BRD3: variants seen among roughly 807,000 people sequenced by gnomAD.
BRD3 encodes the protein bromodomain-containing protein 3.
Under a neutral mutation model 66.8 loss-of-function variants are expected in BRD3, and 17 were observed. That is an observed-to-expected ratio of 0.25 (90% confidence interval 0.17 to 0.38). The LOEUF is 0.38. Ranked by LOEUF, BRD3 falls within the 10% of genes least tolerant of loss-of-function variation. The pLI is 1.00. For missense variants in BRD3, 713 were observed against 956.1 expected (o/e 0.75, Z 3.35); for synonymous variants, 421 against 393.2 (o/e 1.07, Z -0.84).
chr9:134,042,394 A>T (rs1402207383), intron 7 of BRD3, among the ~76,000 whole-genome samples: 2 of 152,218 alleles, frequency 1.3e-5, no homozygotes, highest in Non-Finnish European at 2.9e-5. Context: ...AACTGACTGC[A>T]GCATCACATC....
chr9:134,052,465 G>A (rs1352320081), intron 2 of BRD3, 22 bp from the exon 3 acceptor site: 1 of 1,590,374 alleles, frequency 6.3e-7, no homozygotes, highest in South Asian at 1.1e-5. Flanking sequence ...ATTTTCAGAG[G>A]CATTACCAGA....
At position 134,033,588 on chromosome 9, in the gene BRD3, G is replaced by T. The variant is rs761589766; in HGVS notation, c.*2C>A. 6.6e-6 allele frequency: 5 copies of T among 759,642 alleles called. No homozygotes were observed. The Admixed American group carries it at 8.8e-5, about 13-fold the overall frequency. 47.1% of individuals were successfully genotyped at this position (759,642 alleles called of 1,614,324 possible). On this transcript the variant is annotated 3_prime_UTR_variant, in exon 12 of 12. Coordinates refer to ENST00000303407, the MANE Select transcript of BRD3 (RefSeq NM_007371.4). The surrounding 1 kb of genome is among the most constrained non-coding windows in gnomAD (Gnocchi z 5.1). ...ATCTGTCCTGTTCTGTCCGAAGCCA[G>T]TTCATTCTGAGTCACTGCTGTCAGA...
chr9:134,050,407 G>T lies in BRD3; in HGVS notation c.681C>A (p.Val227=), dbSNP rs1243199726. Residue 227 remains valine (V), a synonymous_variant, in exon 5 of 12, where the codon GTC becomes GTA. Transcript: ENST00000303407. ...AAPPPPATPI[V]PVVPPTPPVV... ...CAGGCGGCGTAGGAGGGACCACGGGGACGATGGGTGTGGCAGGAGGAGGTG... is the reference window on the plus strand; with the variant it reads ...CAGGCGGCGTAGGAGGGACCACGGGTACGATGGGTGTGGCAGGAGGAGGTG... The T allele has an allele frequency of 1.2e-6, 2 of 1,612,000 alleles. No individual in the cohort carries two copies. The highest frequency in any genetic ancestry group is 8.5e-7 in the Non-Finnish European group (1 of 1,179,684).
chr9:134,032,439 CAAAAAAAAA>C lies in BRD3; in HGVS notation c.*1142_*1150del. On this transcript the variant is annotated 3_prime_UTR_variant, in exon 12 of 12. Coordinates refer to ENST00000303407, the MANE Select transcript of BRD3 (RefSeq NM_007371.4). ...TACCTGTAAGCCTCCAAGTTTCATA[CAAAAAAAAA>C]AAAAAAAAAAAACCACAAAGAAAAA... The C allele has an allele frequency of 8.7e-6, 1 of 114,488 alleles. No homozygotes were observed. 7.1% of individuals were successfully genotyped at this position (114,488 alleles called of 1,614,324 possible).
rs192776087 is a variant in BRD3, at chr9:134,036,385, C to A, written c.1644-61G>T. 4,589 of 1,570,194 alleles carry A rather than the reference C, an allele frequency of 2.9e-3. 166 individuals carry two copies. The Admixed American group carries it at 0.07, about 24-fold the overall frequency. On this transcript the variant is annotated intron_variant, in intron 9 of 11. Coordinates refer to ENST00000303407, the MANE Select transcript of BRD3 (RefSeq NM_007371.4). ...TCCGTCTACCTGCCGTGGGAGCCCA[C>A]TGCACACACCCCTTCCTCCCAACAG...
At chr9:134,042,493 C>G (rs988030283) in intron 7 of BRD3, among the ~76,000 whole-genome samples, 1 of 152,044 alleles carries the variant, frequency 6.6e-6, no homozygotes, top group African/African-American at 2.4e-5. Flanking sequence ...AAAAATTAGC[C>G]AGTCATGGCA....
Position 134,050,407 on chromosome 9 carries a change from G to A in BRD3, c.681C>T (p.Val227=), listed in dbSNP as rs1243199726. The A allele has an allele frequency of 6.2e-7, 1 of 1,612,000 alleles. No individual in the cohort carries two copies. Among genetic ancestry groups the A allele is most frequent in the Non-Finnish European group, 8.5e-7 (1 of 1,179,684 alleles). The part of the protein sequence containing the change: ...AAPPPPATPI[V]PVVPPTPPVV... Reference sequence around the variant, plus strand: ...CAGGCGGCGTAGGAGGGACCACGGGGACGATGGGTGTGGCAGGAGGAGGTG... The same window carrying A: ...CAGGCGGCGTAGGAGGGACCACGGGAACGATGGGTGTGGCAGGAGGAGGTG... Residue 227 remains valine, a synonymous_variant, in exon 5 of 12, where the codon GTC becomes GTT. Transcript: ENST00000303407.
chr9:134,058,600 G>C (rs1239956003), intron 1 of BRD3: 1 of 152,230 alleles, frequency 6.6e-6, no homozygotes, highest in African/African-American at 2.4e-5. Flanking sequence ...TTGGATTTCA[G>C]AAAGCCAAAC....
chr9:134,064,601 T>C (rs1830608801), intron 1 of BRD3, among the ~76,000 whole-genome samples: 1 of 151,328 alleles, frequency 6.6e-6, no homozygotes, highest in African/African-American at 2.4e-5. Context: ...TGGCTCACGC[T>C]TGTAATCCCA....
In BRD3 at chr9:134,053,451, G is replaced by A. The variant is rs200725745; in HGVS notation, c.27C>T (p.Pro9=). The change falls in exon 2 of 12, where the codon CCC becomes CCT. Residue 9 remains proline, a synonymous_variant. Transcript: ENST00000303407. MSTATTVA[P]AGIPATPGPV... Reference sequence around the variant, plus strand: ...GGCCCGGGGTCGCCGGGATCCCCGCGGGGGCGACTGTCGTGGCGGTGGACA... The same window carrying A: ...GGCCCGGGGTCGCCGGGATCCCCGCAGGGGCGACTGTCGTGGCGGTGGACA... 5.0e-5 allele frequency: 81 copies of A among 1,606,196 alleles called. No homozygotes were observed. In the Admixed American group the frequency reaches 9.2e-4, roughly 18 times the overall value.
At chr9:134,061,404 T>C (rs911707741) in intron 1 of BRD3, among the ~76,000 whole-genome samples, 1 of 152,186 alleles carries the variant, frequency 6.6e-6, no homozygotes, top group Admixed American at 6.5e-5. Flanking sequence ...AGCATGAGTC[T>C]GGAGGAGCAG....
In BRD3 at chr9:134,040,302, G is replaced by A. The variant is rs1322877651; in HGVS notation, c.1408-33C>T. On this transcript the variant is annotated intron_variant, in intron 8 of 11. Transcript: ENST00000303407. The stretch of plus-strand genomic sequence containing the variant: ...AGAGCGGGCGGCTGAGCAGGTGCTG[G>A]GCACGGCCCACACCACTGGGGCTGC... 13 of 1,574,258 alleles carry A rather than the reference G, an allele frequency of 8.3e-6. No individual in the cohort carries two copies. In the Middle Eastern group the frequency reaches 5.1e-4, roughly 61 times the overall value.
At position 134,048,131 on chromosome 9, in the gene BRD3, G is replaced by A. The variant is rs200360231; in HGVS notation, c.1038C>T (p.His346=). ...GGTGCTTGATGATGTCGTGGTAGTC[G>A]TGCAGCTCCAGGGCCTCGGCATCCA... is the stretch of plus-strand genomic sequence containing the variant. ...KPVDAEALEL[H]DYHDIIKHPM... The change falls in exon 6 of 12, where the codon CAC becomes CAT. Residue 346 remains histidine (H), a synonymous_variant. Coordinates refer to ENST00000303407, the MANE Select transcript of BRD3 (RefSeq NM_007371.4). The A allele has an allele frequency of 2.1e-5, 33 of 1,603,398 alleles. No homozygotes were observed. Among genetic ancestry groups the A allele is most frequent in the African/African-American group, 6.7e-5 (5 of 74,846 alleles).
At chr9:134,056,778 G>C (rs1488264449) in intron 1 of BRD3, 1 of 152,308 alleles carries the variant, frequency 6.6e-6, no homozygotes, top group African/African-American at 2.4e-5. Flanking sequence ...CCAGTGGGGA[G>C]GGAGGGCTGA....
chr9:134,053,194 G>T (rs1384727587), intron 2 of BRD3, 71 bp downstream of exon 2: 4 of 1,526,146 alleles, frequency 2.6e-6, no homozygotes, highest in Admixed American at 3.4e-5. Flanking sequence ...TTTCCAGGAT[G>T]GGGGCAGCAG....
chr9:134,037,309 C>T (rs1454501158), intron 9 of BRD3, among the ~76,000 whole-genome samples: 3 of 152,240 alleles, frequency 2.0e-5, no homozygotes, highest in African/African-American at 4.8e-5. Flanking sequence ...CGGTGGCTCA[C>T]GCCTATAATC....
chr9:134,051,736 G>A (rs374215907), intron 3 of BRD3, 27 bp from the exon 4 acceptor site: 13 of 1,579,058 alleles, frequency 8.2e-6, no homozygotes, highest in East Asian at 2.3e-5. Context: ...TCCAGGTCAC[G>A]TGTCAGGAAA....
intron 1 of BRD3, among the ~76,000 whole-genome samples, chr9:134,059,438 G>C (rs1029610114): frequency 5.3e-5 from 8 of 152,222 alleles, no homozygotes; most frequent in Non-Finnish European, 1.2e-4. Flanking sequence ...GGAGTGACTC[G>C]GGCTGGAGGA....
chr9:134,036,740 G>A, intron 9 of BRD3: 1 of 756,880 alleles, frequency 1.3e-6, no homozygotes, highest in Non-Finnish European at 2.2e-6. Flanking sequence ...CGGGCGCGGT[G>A]GCTCACGCCT....
Sources: gnomAD v4.1 joint callset for allele counts (sites outside exome capture counted in the v4.1 genomes callset) on GRCh38, gnomAD v4.1.1 for gene constraint, Gnocchi (gnomAD v3.1) non-coding constraint, MANE v1.5 for transcripts, NCBI Gene and HGNC (gene_info 2026-07-23, HGNC 2026-07-21) for gene names.